Variants in DPYSL2 observed in about 807,000 individuals in gnomAD.
The protein encoded by DPYSL2 is dihydropyrimidinase-related protein 2.
DPYSL2 carries 13 observed loss-of-function variants against 69.9 expected under a neutral mutation model. The observed-to-expected ratio is 0.19, with a 90% CI of 0.12 to 0.30. The LOEUF is 0.30. DPYSL2 is among the 10% of genes least tolerant of loss of function. The pLI is 1.00. For synonymous variants in DPYSL2, 326 were observed against 359.1 expected, an observed-to-expected ratio of 0.91 and a Z score of 1.04; for missense variants, 587 against 918.9, an observed-to-expected ratio of 0.64 and a Z score of 4.67.
chr8:26,534,235 C>T (rs1800556998), intron 1 of DPYSL2, among the ~76,000 whole-genome samples: 1 of 152,140 alleles, frequency 6.6e-6, no homozygotes, highest in South Asian at 2.1e-4. Flanking sequence ...TGCTGGATTG[C>T]AGTAGTGCCA....
chr8:26,554,368 T>G (rs2117640188), intron 1 of DPYSL2, among the ~76,000 whole-genome samples: 1 of 127,826 alleles, frequency 7.8e-6, no homozygotes, highest in Non-Finnish European at 1.9e-5. Context: ...TTTTAATGGT[T>G]TTTTTTTTTG....
chr8:26,603,463 G>A (rs1445176246), intron 3 of DPYSL2, among the ~76,000 whole-genome samples: 5 of 152,196 alleles, frequency 3.3e-5, no homozygotes, highest in African/African-American at 9.7e-5. Context: ...GAGCCACCGC[G>A]CCCGGCTCTT....
rs147440071 is a variant in DPYSL2 at position 26,583,901 on chromosome 8, G to A, written c.546G>A (p.Gln182=). The A allele has an allele frequency of 6.2e-6, 10 of 1,614,078 alleles. No individual in the cohort carries two copies. In the African/African-American group the frequency reaches 1.3e-4, roughly 22 times the overall value. Residue 182 remains glutamine (Q), a synonymous_variant, in exon 3 of 14, where the codon CAG becomes CAA. Coordinates refer to ENST00000521913, the MANE Select transcript of DPYSL2 (RefSeq NM_001197293.3). ...PGGIDVHTRF[Q]MPDQGMTSAD... ...GAATTGACGTCCACACTCGTTTCCAGATGCCTGATCAGGGAATGACGTCTG... is the reference window on the plus strand; with the variant it reads ...GAATTGACGTCCACACTCGTTTCCAAATGCCTGATCAGGGAATGACGTCTG...
At chr8:26,595,149 AG>A (rs1801830934) in intron 3 of DPYSL2, among the ~76,000 whole-genome samples, 2 of 137,420 alleles carry the variant, frequency 1.5e-5, no homozygotes, top group African/African-American at 5.3e-5. Context: ...CTTGAGCCCC[AG>A]AGTTTGAGGG....
intron 1 of DPYSL2, among the ~76,000 whole-genome samples, chr8:26,526,909 G>C (rs901677086): frequency 1.3e-5 from 2 of 152,224 alleles, no homozygotes; most frequent in African/African-American, 4.8e-5. Flanking sequence ...TGGGTTGGGT[G>C]ATATCAGAAA....
At position 26,522,244 on chromosome 8, in the gene DPYSL2, T is replaced by C. The variant is rs185039587; in HGVS notation, c.354+7565T>C. ...AATCGCTTGAACCCAGGAGCCGGAG[T>C]TTGCAGTGAGCCAAGATCACACCAC... On this transcript the variant is annotated intron_variant, in intron 1 of 13. Transcript: ENST00000521913. 2.9e-3 allele frequency among the ~76,000 whole-genome samples: 436 copies of C among 152,166 alleles called. 1 individual carries two copies. Among genetic ancestry groups the C allele is most frequent in the African/African-American group, 0.01 (420 of 41,514 alleles).
intron 1 of DPYSL2, among the ~76,000 whole-genome samples, chr8:26,545,709 G>A (rs1800756104): frequency 6.6e-6 from 1 of 152,018 alleles, no homozygotes; most frequent in Admixed American, 6.6e-5. Context: ...AGAGGTTGCA[G>A]TGAGCTGAGA....
intron 1 of DPYSL2, among the ~76,000 whole-genome samples, chr8:26,536,858 G>A (rs947362438): frequency 6.6e-6 from 1 of 152,184 alleles, no homozygotes; most frequent in Non-Finnish European, 1.5e-5. Context: ...GCAAGATTCT[G>A]AATTGCAGCT....
In DPYSL2 at chr8:26,610,489, T is replaced by G. The variant is rs889355863; in HGVS notation, c.629-13654T>G. On this transcript the variant is annotated intron_variant, in intron 3 of 13. Coordinates refer to ENST00000521913, the MANE Select transcript of DPYSL2 (RefSeq NM_001197293.3). This position sits in a 1 kb window ranked among gnomAD's most constrained non-coding sequence, Gnocchi z 4.5. ...GCTTGCTGTGTGAACAGGACAGATTTGTCTTGTTTGTTTGGGTCGTATGCA... is the reference window on the plus strand; with the variant it reads ...GCTTGCTGTGTGAACAGGACAGATTGGTCTTGTTTGTTTGGGTCGTATGCA... Among the ~76,000 whole-genome samples the G allele has an allele frequency of 4.6e-5, 7 of 152,170 alleles. No homozygotes were observed. The highest frequency in any genetic ancestry group is 8.8e-5 in the Non-Finnish European group (6 of 68,038).
rs1042874947 is a variant in DPYSL2 at position 26,609,857 on chromosome 8, G to A, written c.629-14286G>A. 2.6e-5 allele frequency among the ~76,000 whole-genome samples: 4 copies of A among 152,318 alleles called. No homozygotes were observed. The highest frequency in any genetic ancestry group is 2.6e-4 in the Admixed American group (4 of 15,300). ...GAATTTATTTCTGGCAGACTTTGTG[G>A]TCAAAACTGGGAAGTGTCTGTTTCC... On this transcript the variant is annotated intron_variant, in intron 3 of 13. Coordinates refer to ENST00000521913, the MANE Select transcript of DPYSL2 (RefSeq NM_001197293.3). This position sits in a 1 kb window ranked among gnomAD's most constrained non-coding sequence, Gnocchi z 6.5.
chr8:26,597,812 G>A lies in DPYSL2; in HGVS notation c.628+13829G>A, dbSNP rs1801899889. On this transcript the variant is annotated intron_variant, in intron 3 of 13. Coordinates refer to ENST00000521913, the MANE Select transcript of DPYSL2 (RefSeq NM_001197293.3). The surrounding 1 kb of genome is among the most constrained non-coding windows in gnomAD (Gnocchi z 5.2). ...TTTTTTTTTGAGGGGCAGAGACAAG[G>A]AGGAAGATCAGACAATTTCTCAGAG... Among the ~76,000 whole-genome samples, 1 of 150,252 alleles carries A rather than the reference G, an allele frequency of 6.7e-6. No homozygotes were observed. Among genetic ancestry groups the A allele is most frequent in the African/African-American group, 2.4e-5 (1 of 40,884 alleles).
rs1453660542 is a variant in DPYSL2 at position 26,648,952 on chromosome 8, C to T, written c.1596+1152C>T. ...ACCACTCACTGGCTCAGCCTGGCAGCGCAGCCTTATGATCGCGCCCCTTAC... is the reference window on the plus strand; with the variant it reads ...ACCACTCACTGGCTCAGCCTGGCAGTGCAGCCTTATGATCGCGCCCCTTAC... On this transcript the variant is annotated intron_variant, in intron 11 of 13. Transcript: ENST00000521913. This position sits in a 1 kb window ranked among gnomAD's most constrained non-coding sequence, Gnocchi z 4.3. Among the ~76,000 whole-genome samples the T allele has an allele frequency of 5.3e-5, 8 of 152,208 alleles. No individual in the cohort carries two copies. The highest frequency in any genetic ancestry group is 1.3e-4 in the Admixed American group (2 of 15,286).
chr8:26,568,916 G>A (rs1288729317), intron 1 of DPYSL2, among the ~76,000 whole-genome samples: 2 of 149,876 alleles, frequency 1.3e-5, no homozygotes, highest in African/African-American at 4.9e-5. Context: ...TCCAGGCACA[G>A]CTGAGCTTTG....
intron 1 of DPYSL2, among the ~76,000 whole-genome samples, chr8:26,554,689 T>C (rs1016816486): frequency 3.9e-5 from 6 of 152,146 alleles, no homozygotes; most frequent in Non-Finnish European, 7.3e-5. Context: ...ATCTACCAAA[T>C]AATTAAGGAG....
rs1421161207 is a variant in DPYSL2, at chr8:26,562,635, C to T, written c.355-19334C>T. Among the ~76,000 whole-genome samples, 1 of 152,154 alleles carries T rather than the reference C, an allele frequency of 6.6e-6. No individual in the cohort carries two copies. The highest frequency in any genetic ancestry group is 1.5e-5 in the Non-Finnish European group (1 of 68,028). ...ACAGTCCTGTAGATGTGGTCCCTGC[C>T]TGCTGCTTTAACTTCGGTTGTACAA... On this transcript the variant is annotated intron_variant, in intron 1 of 13. Coordinates refer to ENST00000521913, the MANE Select transcript of DPYSL2 (RefSeq NM_001197293.3). The surrounding 1 kb of genome is among the most constrained non-coding windows in gnomAD (Gnocchi z 4.9).
intron 1 of DPYSL2, among the ~76,000 whole-genome samples, chr8:26,527,804 C>CTTTTTTTTTTTT (rs34631984): frequency 7.5e-6 from 1 of 132,720 alleles, no homozygotes; most frequent in African/African-American, 2.8e-5. Flanking sequence ...TTTGTTTATC[C>CTTTTTTTTTTTT]TTTTTTTTTT....
rs1802551052 is a variant in DPYSL2, at chr8:26,623,749, C to A, written c.629-394C>A. Reference sequence around the variant, plus strand: ...GCTCTGCTCCAGCACCTTCAAGTTCCCTGCCGTCTGGCGGGGGGCGTCTCA... The same window carrying A: ...GCTCTGCTCCAGCACCTTCAAGTTCACTGCCGTCTGGCGGGGGGCGTCTCA... On this transcript the variant is annotated intron_variant, in intron 3 of 13. Coordinates refer to ENST00000521913, the MANE Select transcript of DPYSL2 (RefSeq NM_001197293.3). The A allele has an allele frequency of 1.7e-5, 3 of 178,946 alleles. No individual in the cohort carries two copies. The South Asian group carries it at 3.9e-4, about 24-fold the overall frequency. The allele number at this position is 178,946 out of a possible 1,614,324, so 11.1% of individuals were successfully genotyped here. A position where few individuals can be genotyped will look rare whatever the true frequency, so the allele number is the denominator to read the frequency against.
At chr8:26,574,967 C>T (rs950917358) in intron 1 of DPYSL2, among the ~76,000 whole-genome samples, 5 of 152,116 alleles carry the variant, frequency 3.3e-5, no homozygotes, top group African/African-American at 4.8e-5. Flanking sequence ...GAGTTTCGCT[C>T]TTGTTGCCCA....
chr8:26,524,671 G>T (rs371763826), intron 1 of DPYSL2, among the ~76,000 whole-genome samples: 3 of 151,654 alleles, frequency 2.0e-5, no homozygotes, highest in Admixed American at 2.0e-4. Context: ...GTATGGTGGC[G>T]TGTGCCTGTA....
Sources: allele counts gnomAD v4.1 joint callset (sites outside exome capture counted in the v4.1 genomes callset), GRCh38; gene constraint gnomAD v4.1.1; non-coding constraint Gnocchi (gnomAD v3.1); transcripts MANE v1.5; gene names NCBI Gene and HGNC (gene_info 2026-07-23, HGNC 2026-07-21).